ZNF844: variants seen among roughly 807,000 people sequenced by gnomAD.
ZNF844 encodes zinc finger protein 844.
ZNF844 carries 11 observed loss-of-function variants against 11.4 expected under a neutral mutation model. The ratio of observed to expected loss-of-function variants is 0.97; its 90% confidence interval spans 0.61 to 1.60. The LOEUF (loss-of-function observed/expected upper bound fraction) is 1.60. Ranked by LOEUF, ZNF844 falls within the 40% of genes most tolerant of loss-of-function variation. The pLI, the probability that ZNF844 is intolerant of heterozygous loss-of-function variation, is 0.00. For missense variants in ZNF844, 790 were observed against 796.8 expected, an observed-to-expected ratio of 0.99 and a Z score of 0.10; for synonymous variants, 248 against 260.3, an observed-to-expected ratio of 0.95 and a Z score of 0.46.
At chr19:12,072,877 G>A (rs546223055) in intron 1 of ZNF844, among the ~76,000 whole-genome samples, 8 of 152,132 alleles carry the variant, frequency 5.3e-5, no homozygotes, top group South Asian at 4.2e-4. Flanking sequence ...GAGCCACCGC[G>A]CCTGGCCTTG....
intron 1 of ZNF844, among the ~76,000 whole-genome samples, chr19:12,067,731 A>G (rs1246892762): frequency 6.0e-5 from 9 of 151,086 alleles, no homozygotes. Context: ...CCTGGCACAC[A>G]CAGTGGAACT....
At position 12,077,468 on chromosome 19, in the gene ZNF844, A is replaced by G. The variant is rs1053475766; in HGVS notation, c.*347A>G. 3.3e-6 allele frequency: 2 copies of G among 601,966 alleles called. No individual in the cohort carries two copies. The allele number at this position is 601,966 out of a possible 1,614,324, so 37.3% of individuals were successfully genotyped here. On this transcript the variant is annotated 3_prime_UTR_variant, in exon 4 of 4. Transcript: ENST00000439326. The stretch of plus-strand genomic sequence containing the variant: ...CCCACACCAGAGAGAAACACTATGA[A>G]TGTAAGCAGTGTGGGAAAGCCTTCA...
At position 12,073,903 on chromosome 19, in the gene ZNF844, T is replaced by A. The variant is rs1031794137; in HGVS notation, c.4-128T>A. ...GTAAGTGTAGACAGAGAGTAATGGG[T>A]CAGATGACCAAGAAATAGAATAAAT... On this transcript the variant is annotated intron_variant, in intron 1 of 3. Coordinates refer to ENST00000439326, the MANE Select transcript of ZNF844 (RefSeq NM_001136501.3). The A allele has an allele frequency of 1.4e-5, 17 of 1,251,424 alleles. No homozygotes were observed. The African/African-American group carries it at 2.1e-4, about 16-fold the overall frequency. 77.5% of individuals were successfully genotyped at this position (1,251,424 alleles called of 1,614,324 possible). A position where few individuals can be genotyped will look rare whatever the true frequency, so the allele number is the denominator to read the frequency against.
At chr19:12,071,696 GTTT>G (rs562646552) in intron 1 of ZNF844, among the ~76,000 whole-genome samples, 1 of 136,132 alleles carries the variant, frequency 7.3e-6, no homozygotes. Flanking sequence ...AATCAATTAG[GTTT>G]TTTTTTTTTT....
At position 12,075,349 on chromosome 19, in the gene ZNF844, G is replaced by A. The variant is rs1178919897; in HGVS notation, c.229G>A (p.Glu77Lys). Residue 77 changes from glutamate to lysine, a missense_variant, in exon 4 of 4, where the codon GAA becomes AAA. Glu to Lys is a moderately conservative substitution (Grantham distance 56, BLOSUM62 1). This residue lies in a region of ZNF844 where 129 missense variants were observed against 144.0 expected (regional missense o/e 0.90). Coordinates refer to ENST00000439326, the MANE Select transcript of ZNF844 (RefSeq NM_001136501.3). ...AGAGAGAGTTGATGAAAATACAGAA[G>A]AAAATCATTGTGGAGAAACTTCTAG... is the stretch of plus-strand genomic sequence containing the variant. ...LGERVDENTEENHCGETSSQI... is the reference protein window; with the variant it reads ...LGERVDENTEKNHCGETSSQI... 6.6e-7 allele frequency: 1 copy of A among 1,505,076 alleles called. No homozygotes were observed. The highest frequency in any genetic ancestry group is 8.9e-7 in the Non-Finnish European group (1 of 1,128,330). 93.2% of individuals were successfully genotyped at this position (1,505,076 alleles called of 1,614,324 possible). A position where few individuals can be genotyped will look rare whatever the true frequency, so the allele number is the denominator to read the frequency against.
At chr19:12,066,215 C>G (rs973891613) in intron 1 of ZNF844, among the ~76,000 whole-genome samples, 1 of 151,942 alleles carries the variant, frequency 6.6e-6, no homozygotes, top group Non-Finnish European at 1.5e-5. Context: ...TGTGAGCCAC[C>G]GAACTCGGCC....
At position 12,081,043 on chromosome 19, in the gene ZNF844, C is replaced by G. The variant is rs1975891957; in HGVS notation, c.*3922C>G. 1 of 152,270 alleles carries G rather than the reference C, an allele frequency of 6.6e-6. No individual in the cohort carries two copies. The highest frequency in any genetic ancestry group is 1.5e-5 in the Non-Finnish European group (1 of 68,056). The allele number at this position is 152,270 out of a possible 1,614,324, so 9.4% of individuals were successfully genotyped here. A position where few individuals can be genotyped will look rare whatever the true frequency, so the allele number is the denominator to read the frequency against. On this transcript the variant is annotated 3_prime_UTR_variant, in exon 4 of 4. Transcript: ENST00000439326. The stretch of plus-strand genomic sequence containing the variant: ...ATGCTGGGATTATAGGCGTGATCCA[C>G]TGTGCCTGGCCTGGTGTTTCTTTAG...
At position 12,075,670 on chromosome 19, in the gene ZNF844, A is replaced by G. The variant is rs907980508; in HGVS notation, c.550A>G (p.Ile184Val). ...AAAAACCTTCATATCCCATTCAAGCATTCAAAGACACATGATAATGCACAA... is the reference window on the plus strand; with the variant it reads ...AAAAACCTTCATATCCCATTCAAGCGTTCAAAGACACATGATAATGCACAA... ...CGKTFISHSS[I>V]QRHMIMHNGD... Residue 184 changes from isoleucine to valine, a missense_variant, in exon 4 of 4, where the codon ATT becomes GTT. By Grantham distance (29) the Ile-to-Val change is conservative. Transcript: ENST00000439326. 3 of 1,612,210 alleles carry G rather than the reference A, an allele frequency of 1.9e-6. No individual in the cohort carries two copies. The highest frequency in any genetic ancestry group is 1.7e-5 in the Admixed American group (1 of 59,400).
chr19:12,071,323 C>G (rs1254656024), intron 1 of ZNF844, among the ~76,000 whole-genome samples: 1 of 152,194 alleles, frequency 6.6e-6, no homozygotes, highest in Non-Finnish European at 1.5e-5. Flanking sequence ...ACTCTTGTCT[C>G]TAATCCTAAT....
rs758040755 is a variant in ZNF844, at chr19:12,075,334, G to C, written c.214G>C (p.Asp72His). ...NLRSLLGERV[D>H]ENTEENHCGE... The stretch of plus-strand genomic sequence containing the variant: ...CAGAAGTCTTCTGGGAGAGAGAGTT[G>C]ATGAAAATACAGAAGAAAATCATTG... Residue 72 changes from aspartate (D) to histidine (H), a missense_variant, in exon 4 of 4, where the codon GAT becomes CAT. Physicochemically the swap from Asp to His is moderately conservative, Grantham distance 81 (BLOSUM62 -1). Transcript: ENST00000439326. 14 of 1,470,160 alleles carry C rather than the reference G, an allele frequency of 9.5e-6. No individual in the cohort carries two copies. The highest frequency in any genetic ancestry group is 2.8e-5 in the Admixed American group (1 of 35,860). 91.1% of individuals were successfully genotyped at this position (1,470,160 alleles called of 1,614,324 possible). A position where few individuals can be genotyped will look rare whatever the true frequency, so the allele number is the denominator to read the frequency against.
At chr19:12,071,114 A>T (rs1342991614) in intron 1 of ZNF844, among the ~76,000 whole-genome samples, 2 of 152,142 alleles carry the variant, frequency 1.3e-5, no homozygotes, top group Non-Finnish European at 2.9e-5. Context: ...AGGGCTGATG[A>T]TAAATCCTTA....
Position 12,064,982 on chromosome 19 carries a change from G to A in ZNF844, c.3+106G>A. ...GTGCCGGGACCCGGACCTCCCCGCG[G>A]CGACTCGAGGTCTGGGGCCCGAGCC... On this transcript the variant is annotated intron_variant, in intron 1 of 3. Transcript: ENST00000439326. 5 of 1,281,666 alleles carry A rather than the reference G, an allele frequency of 3.9e-6. No individual in the cohort carries two copies. In the South Asian group the frequency reaches 4.5e-5, roughly 12 times the overall value. The allele number at this position is 1,281,666 out of a possible 1,614,324, so 79.4% of individuals were successfully genotyped here.
At chr19:12,074,541 T>C in intron 3 of ZNF844, 120 bp downstream of exon 3, 1 of 785,282 alleles carries the variant, frequency 1.3e-6, no homozygotes, top group Non-Finnish European at 2.1e-6. Context: ...ACTCTTAAAA[T>C]ATTCACTCTA....
intron 1 of ZNF844, chr19:12,070,078 T>G (rs1264828803): frequency 8.2e-6 from 1 of 121,622 alleles, no homozygotes; most frequent in African/African-American, 3.2e-5. Context: ...GGCAATATAA[T>G]GAGACCCCGT....
chr19:12,066,552 T>TG (rs1555717636), intron 1 of ZNF844, among the ~76,000 whole-genome samples: 195 of 134,730 alleles, frequency 1.4e-3, no homozygotes, highest in Middle Eastern at 3.7e-3. Context: ...TTTTTTTTTT[T>TG]TTGTTGTTGT....
chr19:12,076,090 C>T lies in ZNF844; in HGVS notation c.970C>T (p.Leu324Phe). 2.6e-6 allele frequency: 4 copies of T among 1,565,526 alleles called. No individual in the cohort carries two copies. Among genetic ancestry groups the T allele is most frequent in the African/African-American group, 1.4e-5 (1 of 73,302 alleles). The part of the protein sequence containing the change: ...CGKAFKCPSY[L>F]CRHEVTHSGK... ...GAAAGCATTCAAGTGTCCCAGTTAT[C>T]TTTGTAGACATGAAGTGACCCACTC... The change falls in exon 4 of 4, where the codon CTT becomes TTT. Residue 324 changes from leucine to phenylalanine, a missense_variant. Physicochemically the swap from Leu to Phe is conservative, Grantham distance 22 (BLOSUM62 0). This residue lies in a region of ZNF844 where 657 missense variants were observed against 636.2 expected (regional missense o/e 1.03). Coordinates refer to ENST00000439326, the MANE Select transcript of ZNF844 (RefSeq NM_001136501.3).
chr19:12,071,143 C>T (rs1431632951), intron 1 of ZNF844, among the ~76,000 whole-genome samples: 5 of 152,130 alleles, frequency 3.3e-5, no homozygotes, highest in African/African-American at 1.2e-4. Context: ...GTTTCCTCCC[C>T]ACGTTCCAGA....
At chr19:12,067,958 A>AG (rs879923038) in intron 1 of ZNF844, among the ~76,000 whole-genome samples, 1 of 117,556 alleles carries the variant, frequency 8.5e-6, no homozygotes, top group South Asian at 3.0e-4. Context: ...GAAAGAAGGA[A>AG]AGAAGGAAGG....
chr19:12,080,210 C>A lies in ZNF844; in HGVS notation c.*3089C>A, dbSNP rs553812241. On this transcript the variant is annotated 3_prime_UTR_variant, in exon 4 of 4. Transcript: ENST00000439326. Reference sequence around the variant, plus strand: ...AAAAAATACAAAAAAACTAGCTGGGCGTGGTGGTGGGCGCCTGTAGTCCCA... The same window carrying A: ...AAAAAATACAAAAAAACTAGCTGGGAGTGGTGGTGGGCGCCTGTAGTCCCA... The A allele has an allele frequency of 4.5e-4, 89 of 197,332 alleles. No homozygotes were observed. The highest frequency in any genetic ancestry group is 2.0e-3 in the African/African-American group (84 of 41,818). 12.2% of individuals were successfully genotyped at this position (197,332 alleles called of 1,614,324 possible). A position where few individuals can be genotyped will look rare whatever the true frequency, so the allele number is the denominator to read the frequency against.
Sources: gnomAD v4.1 joint callset for allele counts (sites outside exome capture counted in the v4.1 genomes callset) on GRCh38, gnomAD v4.1.1 for gene constraint, gnomAD v4.1.1 regional missense constraint, MANE v1.5 for transcripts, NCBI Gene and HGNC (gene_info 2026-07-23, HGNC 2026-07-21) for gene names.